Variants in STX6 observed in about 807,000 individuals in gnomAD.
STX6 encodes the protein syntaxin 6, also known as syntaxin-6.
Under a neutral mutation model 38.0 loss-of-function variants are expected in STX6, and 23 were observed. That is an observed-to-expected ratio of 0.60 (90% CI 0.43 to 0.86). STX6 has a LOEUF of 0.86. Ranked by LOEUF, STX6 falls within the 40% of genes least tolerant of loss-of-function variation. STX6 has a pLI of 0.00. For synonymous variants in STX6, 123 were observed against 107.5 expected (o/e 1.14, Z -0.89); for missense variants, 274 against 312.9 (o/e 0.88, Z 0.94).
chr1:180,988,295 G>A lies in STX6; in HGVS notation c.540C>T (p.Ile180=), dbSNP rs755838991. ...GCTGGGACATGTTCTTCAGCACCCC[G>A]ATGCTGCCAGAGACCAGCTCCAACT... ...DEQLELVSGS[I]GVLKNMSQRI... is the part of the protein sequence containing the mutation. The change falls in exon 6 of 8, where the codon ATC becomes ATT. Residue 180 remains isoleucine, a synonymous_variant. Coordinates refer to ENST00000258301, the MANE Select transcript of STX6 (RefSeq NM_005819.6). 7.4e-6 allele frequency: 12 copies of A among 1,613,846 alleles called. No homozygotes were observed. The East Asian group carries it at 1.1e-4, about 15-fold the overall frequency.
rs1243290011 is a variant in STX6, at chr1:180,973,775, G to T, written c.*2795C>A. On this transcript the variant is annotated 3_prime_UTR_variant, in exon 8 of 8. Transcript: ENST00000258301. The stretch of plus-strand genomic sequence containing the variant: ...AAACTAAAGGTAGCTGAGTTTTTCA[G>T]ATGGATTTTCACTCTGGCAAACTCA... 2 of 152,324 alleles carry T rather than the reference G, an allele frequency of 1.3e-5. No individual in the cohort carries two copies. Among genetic ancestry groups the T allele is most frequent in the Non-Finnish European group, 2.9e-5 (2 of 68,042 alleles). The allele number at this position is 152,324 out of a possible 1,614,324, so 9.4% of individuals were successfully genotyped here. A position where few individuals can be genotyped will look rare whatever the true frequency, so the allele number is the denominator to read the frequency against.
At chr1:180,978,412 G>A (rs905571187) in intron 7 of STX6, among the ~76,000 whole-genome samples, 3 of 152,126 alleles carry the variant, frequency 2.0e-5, no homozygotes, top group South Asian at 2.1e-4. Context: ...TTGATGAGTC[G>A]CTGAAGGCTC....
intron 6 of STX6, among the ~76,000 whole-genome samples, chr1:180,985,037 C>T (rs985243098): frequency 1.3e-5 from 2 of 152,042 alleles, no homozygotes; most frequent in Non-Finnish European, 2.9e-5. Flanking sequence ...TGGGGCAGTC[C>T]CCGTAATCAG....
Position 180,976,605 on chromosome 1 carries a change from G to C in STX6, c.733C>G (p.Leu245Val), listed in dbSNP as rs199721216. The part of the protein sequence containing the change: ...WCAIAILFAV[L>V]LVVLILFLVL ...AAGAAGAGGATGAGCACAACCAACA[G>C]GACTGCAAAGAGGATGGCTATGGCA... Residue 245 changes from leucine (L) to valine (V), a missense_variant, in exon 8 of 8, where the codon CTG becomes GTG. Transcript: ENST00000258301. 6.1e-5 allele frequency: 98 copies of C among 1,613,730 alleles called. No homozygotes were observed. Among genetic ancestry groups the C allele is most frequent in the Non-Finnish European group, 8.1e-5 (96 of 1,180,018 alleles).
chr1:181,001,489 A>G (rs1656077691), intron 3 of STX6, among the ~76,000 whole-genome samples: 1 of 152,240 alleles, frequency 6.6e-6, no homozygotes, highest in African/African-American at 2.4e-5. Flanking sequence ...AGATTTGTTC[A>G]CTTGGATCAA....
rs139591006 is a variant in STX6, at chr1:180,995,032, G to A, written c.301-1607C>T. Among the ~76,000 whole-genome samples the A allele has an allele frequency of 9.8e-3, 1,486 of 150,962 alleles. 26 individuals are homozygous for A. Among genetic ancestry groups the A allele is most frequent in the African/African-American group, 0.035 (1,426 of 41,102 alleles). On this transcript the variant is annotated intron_variant, in intron 3 of 7. Coordinates refer to ENST00000258301, the MANE Select transcript of STX6 (RefSeq NM_005819.6). Reference sequence around the variant, plus strand: ...GGCTGGAATGCAGTGACGTAATCTCGGCTCACTGCAACCTCCGCCTCCTGG... The same window carrying A: ...GGCTGGAATGCAGTGACGTAATCTCAGCTCACTGCAACCTCCGCCTCCTGG...
At chr1:181,006,810 T>C (rs1656235615) in intron 1 of STX6, among the ~76,000 whole-genome samples, 1 of 152,196 alleles carries the variant, frequency 6.6e-6, no homozygotes, top group African/African-American at 2.4e-5. Context: ...GGCATACTGA[T>C]GAGAGCTAAG....
At chr1:180,990,170 G>A (rs1655714415) in intron 4 of STX6, 61 bp from the exon 5 acceptor site, 1 of 1,597,152 alleles carries the variant, frequency 6.3e-7, no homozygotes, top group Admixed American at 1.7e-5. Context: ...CTCTGAACAA[G>A]TGATGCATCA....
intron 3 of STX6, among the ~76,000 whole-genome samples, chr1:180,995,752 C>T (rs1655889397): frequency 6.6e-6 from 1 of 152,094 alleles, no homozygotes; most frequent in South Asian, 2.1e-4. Flanking sequence ...TTTAAAACAA[C>T]ACATTACTTG....
intron 2 of STX6, among the ~76,000 whole-genome samples, chr1:181,003,041 T>C (rs1026685659): frequency 2.0e-5 from 3 of 152,226 alleles, no homozygotes; most frequent in Non-Finnish European, 4.4e-5. Flanking sequence ...TCACCTTTAC[T>C]AAGACAGCTT....
At position 181,020,027 on chromosome 1, in the gene STX6, G is replaced by C. The variant is rs561126897; in HGVS notation, c.35+2612C>G. Among the ~76,000 whole-genome samples the C allele has an allele frequency of 1.6e-4, 25 of 152,162 alleles. No homozygotes were observed. In the South Asian group the frequency reaches 1.7e-3, roughly 10 times the overall value. On this transcript the variant is annotated intron_variant, in intron 1 of 7. Coordinates refer to ENST00000258301, the MANE Select transcript of STX6 (RefSeq NM_005819.6). ...AAATACAAAAAATTAGCCGGGCGTG[G>C]TGGCGGGTGCCCTGCCCATAGTCCT...
intron 3 of STX6, among the ~76,000 whole-genome samples, chr1:180,998,802 A>T (rs141874555): frequency 6.6e-6 from 1 of 152,270 alleles, no homozygotes; most frequent in African/African-American, 2.4e-5. Context: ...TAAACATTTT[A>T]TAACAATCTA....
intron 7 of STX6, chr1:180,980,697 G>A (rs1449074751): frequency 6.6e-6 from 1 of 152,000 alleles, no homozygotes; most frequent in African/African-American, 2.4e-5. Flanking sequence ...TGGGGTTATA[G>A]GCGCACGCCA....
chr1:181,016,031 AT>A (rs1471299313), intron 1 of STX6, among the ~76,000 whole-genome samples: 1 of 152,228 alleles, frequency 6.6e-6, no homozygotes, highest in African/African-American at 2.4e-5. Flanking sequence ...AAGCAAGTGA[AT>A]AGTAACTGCT....
chr1:181,004,908 G>T (rs139730895), intron 2 of STX6, among the ~76,000 whole-genome samples: 2 of 149,334 alleles, frequency 1.3e-5, no homozygotes, highest in African/African-American at 2.5e-5. Context: ...GACAGTGTCA[G>T]AAATATCATA....
Position 181,003,394 on chromosome 1 carries a change from A to G in STX6, c.206-694T>C, listed in dbSNP as rs1432944421. 2.6e-5 allele frequency among the ~76,000 whole-genome samples: 4 copies of G among 152,220 alleles called. No homozygotes were observed. In the East Asian group the frequency reaches 7.7e-4, roughly 29 times the overall value. On this transcript the variant is annotated intron_variant, in intron 2 of 7. Coordinates refer to ENST00000258301, the MANE Select transcript of STX6 (RefSeq NM_005819.6). ...TACTCAATAAACACTTGCTGGTTGA[A>G]TGATGAGTATCTATTAAAACTTTTG...
chr1:181,014,154 T>C (rs968212454), intron 1 of STX6, among the ~76,000 whole-genome samples: 7 of 152,080 alleles, frequency 4.6e-5, no homozygotes, highest in African/African-American at 1.7e-4. Flanking sequence ...TCCCAGCACT[T>C]TGGGAAGCCG....
intron 1 of STX6, among the ~76,000 whole-genome samples, chr1:181,012,425 C>T (rs2102330243): frequency 6.6e-6 from 1 of 152,278 alleles, no homozygotes; most frequent in South Asian, 2.1e-4. Context: ...GGCTTTTCCT[C>T]CCTGCTGTCT....
At chr1:180,985,547 T>C (rs577183734) in intron 6 of STX6, among the ~76,000 whole-genome samples, 6 of 152,350 alleles carry the variant, frequency 3.9e-5, no homozygotes, top group Admixed American at 1.3e-4. Flanking sequence ...TGTGTGACAG[T>C]GTGTCTGTGC....
Sources: allele counts gnomAD v4.1 joint callset (sites outside exome capture counted in the v4.1 genomes callset), GRCh38; gene constraint gnomAD v4.1.1; transcripts MANE v1.5; gene names NCBI Gene and HGNC (gene_info 2026-07-23, HGNC 2026-07-21).